The following AAGAB variants were observed in gnomAD, a reference collection of about 807,000 sequenced individuals.
The protein encoded by AAGAB is alpha and gamma adaptin binding protein, also known as alpha- and gamma-adaptin-binding protein p34.
A neutral mutation model predicts 44.1 loss-of-function variants in AAGAB; 38 were observed. The observed-to-expected ratio is 0.86, with a 90% confidence interval of 0.67 to 1.13. The LOEUF is 1.13. Ranked by LOEUF, AAGAB falls within the 50% of genes most tolerant of loss-of-function variation. The pLI is 0.00. For synonymous variants in AAGAB, 131 were observed against 131.8 expected, an observed-to-expected ratio of 0.99 and a Z score of 0.04; for missense variants, 450 against 373.8, an observed-to-expected ratio of 1.20 and a Z score of -1.68.
At chr15:67,233,562 T>C (rs1038213471) in intron 4 of AAGAB, among the ~76,000 whole-genome samples, 6 of 152,234 alleles carry the variant, frequency 3.9e-5, no homozygotes, top group East Asian at 3.8e-4. Context: ...ACCCTGTCTC[T>C]AGTGGCCAGC....
At chr15:67,245,169 G>A (rs75095027) in intron 1 of AAGAB, among the ~76,000 whole-genome samples, 1 of 152,096 alleles carries the variant, frequency 6.6e-6, no homozygotes, top group Non-Finnish European at 1.5e-5. Context: ...ATCCACCCAA[G>A]AGAAATGAAA....
At chr15:67,215,448 G>C (rs920572675) in intron 5 of AAGAB, among the ~76,000 whole-genome samples, 2 of 152,082 alleles carry the variant, frequency 1.3e-5, no homozygotes, top group African/African-American at 2.4e-5. Context: ...AGACCTCCTA[G>C]ATATTTTCTG....
In AAGAB at chr15:67,243,904, T is replaced by G. The variant is rs186240755; in HGVS notation, c.74-7084A>C. ...TATTAACCATAAAAATTATTGACAA[T>G]TAACCTTAGAAACTTTGAAAATAAT... On this transcript the variant is annotated intron_variant, in intron 1 of 9. Coordinates refer to ENST00000261880, the MANE Select transcript of AAGAB (RefSeq NM_024666.5). Among the ~76,000 whole-genome samples, 104 of 152,158 alleles carry G rather than the reference T, an allele frequency of 6.8e-4. 4 individuals carry two copies. The East Asian group carries it at 0.012, about 17-fold the overall frequency.
chr15:67,217,742 T>TG (rs2093691839), intron 5 of AAGAB, among the ~76,000 whole-genome samples: 1 of 152,180 alleles, frequency 6.6e-6, no homozygotes, highest in African/African-American at 2.4e-5. Flanking sequence ...TTCACCATGT[T>TG]GGCCAGGCTG....
chr15:67,203,677 G>C, intron 8 of AAGAB, 80 bp from the exon 9 acceptor site: 1 of 1,257,906 alleles, frequency 7.9e-7, no homozygotes, highest in Non-Finnish European at 1.1e-6. Flanking sequence ...TAGAAGATGG[G>C]AGACGGGTTT....
intron 1 of AAGAB, among the ~76,000 whole-genome samples, chr15:67,253,352 CA>C (rs1466783556): frequency 2.0e-5 from 3 of 151,196 alleles, no homozygotes; most frequent in Non-Finnish European, 4.4e-5. Flanking sequence ...GGCTTGAGCC[CA>C]GGAGGCAGAG....
intron 5 of AAGAB, among the ~76,000 whole-genome samples, chr15:67,211,919 G>A (rs941619069): frequency 2.0e-5 from 3 of 150,096 alleles, no homozygotes; most frequent in African/African-American, 4.9e-5. Context: ...TCACTCTTTC[G>A]CCCAGGCTGG....
chr15:67,217,536 C>T (rs1240999523), intron 5 of AAGAB, among the ~76,000 whole-genome samples: 2 of 152,024 alleles, frequency 1.3e-5, no homozygotes, highest in Admixed American at 6.6e-5. Flanking sequence ...TTTAGGTACA[C>T]ATTTCTTTTT....
chr15:67,216,664 A>G (rs1963958433), intron 5 of AAGAB, among the ~76,000 whole-genome samples: 1 of 151,850 alleles, frequency 6.6e-6, no homozygotes, highest in African/African-American at 2.4e-5. Flanking sequence ...GTTCCATTGT[A>G]AAGTCCTATC....
intron 5 of AAGAB, among the ~76,000 whole-genome samples, chr15:67,214,861 C>T (rs538372698): frequency 3.3e-5 from 5 of 151,950 alleles, no homozygotes; most frequent in African/African-American, 1.2e-4. Context: ...AGGATGGTCT[C>T]AATCTCCTGA....
At chr15:67,203,986 T>C (rs2140341073) in intron 8 of AAGAB, 58 bp downstream of exon 8, 1 of 1,051,484 alleles carries the variant, frequency 9.5e-7, no homozygotes, top group Middle Eastern at 2.1e-4. Flanking sequence ...AAAATGCTAC[T>C]ACGTAAAACA....
chr15:67,216,312 T>C (rs927365321), intron 5 of AAGAB, among the ~76,000 whole-genome samples: 1 of 151,406 alleles, frequency 6.6e-6, no homozygotes, highest in East Asian at 1.9e-4. Flanking sequence ...CGTGGTGGCG[T>C]GTGCCTGTAG....
chr15:67,222,222 GCACGCGCACGCGCGCGCGCGCA>G (rs1567020812), intron 5 of AAGAB, among the ~76,000 whole-genome samples: 1 of 113,858 alleles, frequency 8.8e-6, no homozygotes, highest in Non-Finnish European at 1.8e-5. Context: ...CTACATGCAT[GCACGCGCACGCGCGCGCGCGCA>G]CACACACACA....
intron 7 of AAGAB, 82 bp from the exon 8 acceptor site, chr15:67,204,230 C>A: frequency 1.1e-6 from 1 of 936,388 alleles, no homozygotes; most frequent in Non-Finnish European, 1.7e-6. Flanking sequence ...AAATGCTAAC[C>A]TTGATGAAGT....
chr15:67,215,589 T>C (rs944531615), intron 5 of AAGAB, among the ~76,000 whole-genome samples: 1 of 152,240 alleles, frequency 6.6e-6, no homozygotes, highest in Non-Finnish European at 1.5e-5. Context: ...ATTATAAACA[T>C]GTTCTTTTCC....
At chr15:67,238,941 C>T (rs1040851745) in intron 1 of AAGAB, among the ~76,000 whole-genome samples, 3 of 152,068 alleles carry the variant, frequency 2.0e-5, no homozygotes, top group Admixed American at 6.5e-5. Flanking sequence ...GTGATCCGCC[C>T]GCCTCGGCCT....
chr15:67,206,181 A>G (rs992600378), intron 7 of AAGAB, among the ~76,000 whole-genome samples: 3 of 152,184 alleles, frequency 2.0e-5, no homozygotes, highest in East Asian at 3.8e-4. Context: ...GTTATTTTGT[A>G]TAATGTCCCT....
At chr15:67,249,337 T>A (rs1452967183) in intron 1 of AAGAB, among the ~76,000 whole-genome samples, 2 of 152,090 alleles carry the variant, frequency 1.3e-5, no homozygotes, top group Non-Finnish European at 2.9e-5. Flanking sequence ...GCCTGGCCAA[T>A]AACACAGAAT....
At chr15:67,213,059 G>A (rs1963860681) in intron 5 of AAGAB, among the ~76,000 whole-genome samples, 1 of 152,144 alleles carries the variant, frequency 6.6e-6, no homozygotes, top group South Asian at 2.1e-4. Context: ...CTCCTCAGCT[G>A]ATTCTTATGG....
Sources: allele counts gnomAD v4.1 joint callset (sites outside exome capture counted in the v4.1 genomes callset), GRCh38; gene constraint gnomAD v4.1.1; transcripts MANE v1.5; gene names NCBI Gene and HGNC (gene_info 2026-07-23, HGNC 2026-07-21).